SLC2A14: variants seen among roughly 807,000 people sequenced by gnomAD.
SLC2A14 encodes the protein solute carrier family 2, facilitated glucose transporter member 14.
Under a neutral mutation model 43.0 loss-of-function variants are expected in SLC2A14, and 13 were observed. That is an observed-to-expected ratio of 0.30 (90% CI 0.20 to 0.48). SLC2A14 has a LOEUF of 0.48. Among genes scored for constraint, SLC2A14 ranks in the 20% least tolerant of loss-of-function variants. The pLI is 0.99. For synonymous variants in SLC2A14, 190 were observed against 233.8 expected (o/e 0.81, Z 1.71); for missense variants, 428 against 620.4 (o/e 0.69, Z 3.29).
At chr12:7,880,911 G>A (rs7964086) in intron 1 of SLC2A14, among the ~76,000 whole-genome samples, 9 of 151,658 alleles carry the variant, frequency 5.9e-5, no homozygotes, top group Non-Finnish European at 1.0e-4. Context: ...AGGCTGAGGC[G>A]GGTGGATCAT....
chr12:7,858,073 G>C (rs1041831397), intron 2 of SLC2A14, among the ~76,000 whole-genome samples: 4 of 151,736 alleles, frequency 2.6e-5, no homozygotes, highest in African/African-American at 9.7e-5. Context: ...GTGGAGGCTG[G>C]AATGAGCCGA....
At chr12:7,864,620 G>C (rs955854772) in intron 2 of SLC2A14, among the ~76,000 whole-genome samples, 2 of 152,190 alleles carry the variant, frequency 1.3e-5, no homozygotes, top group Non-Finnish European at 2.9e-5. Context: ...TTACAGGCGT[G>C]AGCCACCGTG....
chr12:7,882,121 TTG>T (rs1215495339), intron 1 of SLC2A14, among the ~76,000 whole-genome samples: 15 of 152,108 alleles, frequency 9.9e-5, no homozygotes, highest in African/African-American at 3.6e-4. Flanking sequence ...GCAATAAGTC[TTG>T]TTGCTGCTCA....
At chr12:7,819,185 C>G (rs1863724841) in intron 9 of SLC2A14, among the ~76,000 whole-genome samples, 1 of 152,076 alleles carries the variant, frequency 6.6e-6, no homozygotes, top group Admixed American at 6.6e-5. Context: ...CCACTGCACT[C>G]CAGCCTGGGC....
intron 2 of SLC2A14, among the ~76,000 whole-genome samples, chr12:7,866,660 C>G (rs1358356000): frequency 6.6e-6 from 1 of 152,094 alleles, no homozygotes; most frequent in Non-Finnish European, 1.5e-5. Flanking sequence ...GCTACTGGGC[C>G]CAGCCAACTT....
At chr12:7,885,556 T>TC (rs1272611046) in intron 1 of SLC2A14, among the ~76,000 whole-genome samples, 1 of 148,282 alleles carries the variant, frequency 6.7e-6, no homozygotes, top group Non-Finnish European at 1.5e-5. Flanking sequence ...ATTGGTAAGT[T>TC]TTTTTTTTTT....
chr12:7,876,813 G>A (rs200349430), upstream of SLC2A14, among the ~76,000 whole-genome samples: 16 of 151,858 alleles, frequency 1.1e-4, no homozygotes, highest in East Asian at 2.9e-3. Context: ...AAAATTAGGC[G>A]AGTATGGTGG....
rs1565507798 is a variant in SLC2A14 at position 7,826,871 on chromosome 12, T to TTCTTTCTTTC, written c.864+614_864+623dup. The stretch of plus-strand genomic sequence containing the variant: ...CTTCCTTCCTTTCTTTTTTCTTTCT[T>TTCTTTCTTTC]TCTTTCTTTCTTTCTTTCTTTCTTT... On this transcript the variant is annotated intron_variant, in intron 7 of 10. Coordinates refer to ENST00000431042, the MANE Select transcript of SLC2A14 (RefSeq NM_001286234.2). Among the ~76,000 whole-genome samples the TTCTTTCTTTC allele has an allele frequency of 4.6e-4, 22 of 48,040 alleles. 2 individuals are homozygous for TTCTTTCTTTC. The highest frequency in any genetic ancestry group is 7.2e-4 in the Non-Finnish European group (18 of 24,964). 31.5% of individuals were successfully genotyped at this position (48,040 alleles called of 152,430 possible). A position where few individuals can be genotyped will look rare whatever the true frequency, so the allele number is the denominator to read the frequency against.
At chr12:7,842,354 G>A (rs1291115731) in intron 2 of SLC2A14, among the ~76,000 whole-genome samples, 1 of 152,192 alleles carries the variant, frequency 6.6e-6, no homozygotes, top group East Asian at 1.9e-4. Flanking sequence ...AGGTTTTCAT[G>A]TAGATGCATG....
intron 7 of SLC2A14, among the ~76,000 whole-genome samples, chr12:7,826,861 T>TCTTTCTTTTCTTTC (rs1555121667): frequency 1.7e-5 from 1 of 60,268 alleles, no homozygotes; most frequent in South Asian, 6.4e-4. Context: ...TTCCTTTCTT[T>TCTTTCTTTTCTTTC]TTTCTTTCTT....
chr12:7,857,503 A>AC (rs1251805113), intron 2 of SLC2A14, among the ~76,000 whole-genome samples: 2 of 151,796 alleles, frequency 1.3e-5, no homozygotes, highest in Admixed American at 6.6e-5. Context: ...TAGGAGAATC[A>AC]CTTGAAGCTG....
chr12:7,823,028 G>A (rs1414795877), intron 7 of SLC2A14, among the ~76,000 whole-genome samples: 1 of 152,072 alleles, frequency 6.6e-6, no homozygotes, highest in African/African-American at 2.4e-5. Flanking sequence ...AGCTACTATT[G>A]CAATTTAATA....
chr12:7,821,877 T>G (rs1243512381), intron 7 of SLC2A14, among the ~76,000 whole-genome samples: 1 of 144,484 alleles, frequency 6.9e-6, no homozygotes, highest in African/African-American at 2.6e-5. Context: ...CAGGCTGGAA[T>G]GCAGTGGCAC....
At chr12:7,876,482 G>A (rs906875590), upstream of SLC2A14, among the ~76,000 whole-genome samples, 2 of 151,916 alleles carry the variant, frequency 1.3e-5, no homozygotes, top group African/African-American at 4.8e-5. Flanking sequence ...AAGAGAAAGT[G>A]TTTACATTGG....
chr12:7,849,065 G>A (rs1299612755), intron 2 of SLC2A14, among the ~76,000 whole-genome samples: 1 of 151,966 alleles, frequency 6.6e-6, no homozygotes, highest in Non-Finnish European at 1.5e-5. Context: ...TGTTGGCCAG[G>A]CTGGTCTGGC....
At position 7,818,691 on chromosome 12, in the gene SLC2A14, C is replaced by CT. The variant is rs35067057; in HGVS notation, c.1072-658dup. On this transcript the variant is annotated intron_variant, in intron 9 of 10. Coordinates refer to ENST00000431042, the MANE Select transcript of SLC2A14 (RefSeq NM_001286234.2). ...AACAAAAAACAAAAACAAAAAAATA[C>CT]TTTTTTTTTTTTTAGAGACAGTTTC... 2.2e-3 allele frequency among the ~76,000 whole-genome samples: 322 copies of CT among 145,540 alleles called. 1 individual carries two copies. The highest frequency in any genetic ancestry group is 3.6e-3 in the Middle Eastern group (1 of 280).
chr12:7,816,475 G>A (rs77050594), intron 10 of SLC2A14, among the ~76,000 whole-genome samples: 67,637 of 148,856 alleles, frequency 0.45, 15,758 homozygotes, highest in Admixed American at 0.54. Context: ...CTGACCTCAT[G>A]ATCCTCCCAC....
intron 1 of SLC2A14, chr12:7,870,779 T>A (rs756658846): frequency 1.2e-6 from 1 of 863,906 alleles, no homozygotes. Flanking sequence ...AATATACTTT[T>A]CAAAAAAAGT....
intron 1 of SLC2A14, among the ~76,000 whole-genome samples, chr12:7,881,663 G>T (rs935735999): frequency 2.0e-5 from 3 of 152,176 alleles, no homozygotes; most frequent in Non-Finnish European, 4.4e-5. Context: ...GAGTGTGGGC[G>T]CAGGGTGCGG....
Sources: allele counts gnomAD v4.1 joint callset (sites outside exome capture counted in the v4.1 genomes callset), GRCh38; gene constraint gnomAD v4.1.1; transcripts MANE v1.5; gene names NCBI Gene and HGNC (gene_info 2026-07-23, HGNC 2026-07-21).